PCSK6: variants seen among roughly 807,000 people sequenced by gnomAD.
PCSK6 encodes proprotein convertase subtilisin/kexin type 6.
Under a neutral mutation model 123.3 loss-of-function variants are expected in PCSK6, and 85 were observed. The ratio of observed to expected loss-of-function variants is 0.69; its 90% CI spans 0.58 to 0.83. The LOEUF is 0.83. PCSK6 is among the 40% of genes least tolerant of loss of function. The probability of loss-of-function intolerance (pLI) is 0.00; values close to 1 mark genes in which losing one functional copy is unlikely to be tolerated. For missense variants in PCSK6, 1,191 were observed against 1,282.3 expected (o/e 0.93, Z 1.09); for synonymous variants, 508 against 516.0 (o/e 0.98, Z 0.21).
intron 13 of PCSK6, among the ~76,000 whole-genome samples, chr15:101,351,303 A>G (rs7175132): frequency 0.47 from 71,910 of 152,094 alleles, 17,927 homozygotes; most frequent in African/African-American, 0.64. Context: ...AAAATGTTTC[A>G]TGTCTGTAGG....
chr15:101,362,067 T>C (rs909961708), intron 13 of PCSK6, among the ~76,000 whole-genome samples: 14 of 150,624 alleles, frequency 9.3e-5, no homozygotes, highest in South Asian at 4.3e-4. Flanking sequence ...CACCATTCTC[T>C]TCCCTCAGCC....
chr15:101,383,997 G>A (rs2041984157), intron 10 of PCSK6: 2 of 555,842 alleles, frequency 3.6e-6, no homozygotes, highest in Non-Finnish European at 4.6e-6. Flanking sequence ...AACTTCCCTA[G>A]TAGCTGCGAC....
chr15:101,305,193 G>T lies in PCSK6; in HGVS notation c.*65C>A. 7.4e-7 allele frequency: 1 copy of T among 1,356,318 alleles called. No homozygotes were observed. Among genetic ancestry groups the T allele is most frequent in the Non-Finnish European group, 1.0e-6 (1 of 971,758 alleles). 84.0% of individuals were successfully genotyped at this position (1,356,318 alleles called of 1,614,324 possible). On this transcript the variant is annotated 3_prime_UTR_variant, in exon 22 of 22. Coordinates refer to ENST00000611716, the MANE Select transcript of PCSK6 (RefSeq NM_002570.5). The surrounding 1 kb of genome is among the most constrained non-coding windows in gnomAD (Gnocchi z 4.8). ...CTCCTGAAACAGACTCTGGCCGACA[G>T]TCTGGAGGAAGGTGGACGGATGGAT...
chr15:101,478,692 G>A (rs2057793881), intron 1 of PCSK6, among the ~76,000 whole-genome samples: 1 of 152,180 alleles, frequency 6.6e-6, no homozygotes, highest in Admixed American at 6.5e-5. Context: ...ACAGATGACT[G>A]AACATCTGCC....
chr15:101,387,052 C>G (rs1170284531), intron 9 of PCSK6, among the ~76,000 whole-genome samples: 1 of 152,174 alleles, frequency 6.6e-6, no homozygotes, highest in East Asian at 1.9e-4. Context: ...CCCTGGCCTC[C>G]CCTGACTTCT....
At position 101,325,054 on chromosome 15, in the gene PCSK6, A is replaced by G; in HGVS notation, c.2181-8T>C. The G allele has an allele frequency of 1.9e-6, 3 of 1,596,550 alleles. No homozygotes were observed. The highest frequency in any genetic ancestry group is 2.6e-6 in the Non-Finnish European group (3 of 1,172,150). On this transcript the variant is annotated splice_region_variant and splice_polypyrimidine_tract_variant and intron_variant, in intron 16 of 21. Coordinates refer to ENST00000611716, the MANE Select transcript of PCSK6 (RefSeq NM_002570.5). The stretch of plus-strand genomic sequence containing the variant: ...CACACACTCACGCACTTCCTGTAGG[A>G]GCAAAGGCAGGAGGGTGAGGGCCTT...
intron 13 of PCSK6, among the ~76,000 whole-genome samples, chr15:101,358,154 GC>G (rs1366214315): frequency 6.6e-6 from 1 of 152,120 alleles, no homozygotes; most frequent in African/African-American, 2.4e-5. Context: ...GGGGAGCAAG[GC>G]CAGCCCTGAG....
At chr15:101,328,084 T>C (rs2141365343) in intron 15 of PCSK6, among the ~76,000 whole-genome samples, 1 of 152,374 alleles carries the variant, frequency 6.6e-6, no homozygotes, top group South Asian at 2.1e-4. Context: ...AAAATCCTCA[T>C]TTCTCGCACC....
chr15:101,338,733 CCAAT>C (rs1355417566), intron 13 of PCSK6, among the ~76,000 whole-genome samples: 4 of 152,096 alleles, frequency 2.6e-5, no homozygotes, highest in Non-Finnish European at 4.4e-5. Flanking sequence ...TAAAAGATGC[CCAAT>C]CAAATTTTTT....
At chr15:101,320,090 ATTTATTT>A (rs937234346) in intron 18 of PCSK6, among the ~76,000 whole-genome samples, 1 of 151,804 alleles carries the variant, frequency 6.6e-6, no homozygotes, top group African/African-American at 2.4e-5. Context: ...TTTATTTATT[ATTTATTT>A]ATTTTTGAGA....
intron 2 of PCSK6, among the ~76,000 whole-genome samples, chr15:101,438,662 C>T (rs2056671394): frequency 6.6e-6 from 1 of 152,218 alleles, no homozygotes; most frequent in Non-Finnish European, 1.5e-5. Context: ...CCTCCCAAGC[C>T]TGACGATCCA....
intron 2 of PCSK6, among the ~76,000 whole-genome samples, chr15:101,442,305 T>C (rs1178103373): frequency 1.3e-5 from 2 of 152,204 alleles, no homozygotes; most frequent in East Asian, 3.8e-4. Flanking sequence ...GTTCGACTTA[T>C]CCGTATCTAT....
At chr15:101,376,873 TAAC>T (rs1278494191) in intron 11 of PCSK6, among the ~76,000 whole-genome samples, 1 of 152,084 alleles carries the variant, frequency 6.6e-6, no homozygotes, top group Non-Finnish European at 1.5e-5. Flanking sequence ...ATGCTCTGTA[TAAC>T]AACAGCCCAA....
chr15:101,378,776 C>A (rs1311849773), intron 11 of PCSK6, among the ~76,000 whole-genome samples: 2 of 152,234 alleles, frequency 1.3e-5, no homozygotes, highest in African/African-American at 4.8e-5. Flanking sequence ...CCCCAGTCCC[C>A]AGATGTGCAG....
At chr15:101,365,080 G>A in intron 13 of PCSK6, 1 of 747,486 alleles carries the variant, frequency 1.3e-6, no homozygotes. Flanking sequence ...AGCAAGTGGT[G>A]CTGGAACAAA....
intron 11 of PCSK6, among the ~76,000 whole-genome samples, chr15:101,376,693 T>C (rs992613024): frequency 3.3e-5 from 5 of 152,220 alleles, no homozygotes; most frequent in African/African-American, 9.7e-5. Flanking sequence ...AGAAGTTTGC[T>C]TCAAAACTAA....
chr15:101,400,595 C>T (rs1274041584), intron 6 of PCSK6, among the ~76,000 whole-genome samples: 1 of 152,222 alleles, frequency 6.6e-6, no homozygotes, highest in Non-Finnish European at 1.5e-5. Flanking sequence ...GGAGGTGACA[C>T]CCTCCCTAGG....
intron 6 of PCSK6, among the ~76,000 whole-genome samples, chr15:101,413,451 C>A (rs538448076): frequency 8.7e-5 from 13 of 149,246 alleles, no homozygotes; most frequent in Non-Finnish European, 1.8e-4. Flanking sequence ...TTCAAGTAAC[C>A]CACAGGAAGG....
At position 101,313,373 on chromosome 15, in the gene PCSK6, T is replaced by A; in HGVS notation, c.2699+3A>T. 1 of 1,612,728 alleles carries A rather than the reference T, an allele frequency of 6.2e-7. No individual in the cohort carries two copies. Among genetic ancestry groups the A allele is most frequent in the Non-Finnish European group, 8.5e-7 (1 of 1,179,858 alleles). ...CTGCCGTTCCCCGCCAGGAGGACCG[T>A]ACCTTCGACACACTTTGTGGGGCAA... On this transcript the variant is annotated splice_donor_region_variant and intron_variant, in intron 20 of 21. Coordinates refer to ENST00000611716, the MANE Select transcript of PCSK6 (RefSeq NM_002570.5).
Sources: gnomAD v4.1 joint callset for allele counts (sites outside exome capture counted in the v4.1 genomes callset) on GRCh38, gnomAD v4.1.1 for gene constraint, Gnocchi (gnomAD v3.1) non-coding constraint, MANE v1.5 for transcripts, NCBI Gene and HGNC (gene_info 2026-07-23, HGNC 2026-07-21) for gene names.